Variants in EDA observed in about 807,000 individuals in gnomAD.
The protein encoded by EDA is ectodysplasin A.
Under a neutral mutation model 23.6 loss-of-function variants are expected in EDA, and 2 were observed. That is an observed-to-expected ratio of 0.08 (90% confidence interval 0.03 to 0.27). The LOEUF (loss-of-function observed/expected upper bound fraction) is 0.27. EDA is among the 10% of genes least tolerant of loss of function. The pLI is 1.00. For missense variants in EDA, 229 were observed against 324.2 expected (o/e 0.71, Z 2.26); for synonymous variants, 131 against 132.0 (o/e 0.99, Z 0.05).
At chrX:69,801,495 G>A (rs1269356065) in intron 1 of EDA, among the ~76,000 whole-genome samples, 3 of 110,853 alleles carry the variant, frequency 2.7e-5, no homozygotes, top group African/African-American at 9.8e-5. Context: ...GATAAACTGA[G>A]GATCACTCAT....
chrX:69,695,907 C>T (rs2011324358), intron 1 of EDA, among the ~76,000 whole-genome samples: 1 of 110,382 alleles, frequency 9.1e-6, no homozygotes, highest in East Asian at 2.9e-4. Context: ...AGTTACCTAC[C>T]AAAAAGGTAA....
chrX:69,867,765 G>C (rs1163121760), intron 1 of EDA, among the ~76,000 whole-genome samples: 1 of 112,010 alleles, frequency 8.9e-6, no homozygotes, highest in African/African-American at 3.2e-5. Flanking sequence ...GTGCAGGCTG[G>C]GGGAGAGAAG....
intron 1 of EDA, chrX:69,620,854 G>C (rs767505829): frequency 6.9e-5 from 26 of 376,389 alleles, no homozygotes; most frequent in South Asian, 1.2e-4. Flanking sequence ...GGACTTTGGA[G>C]GTGTTTATGT....
intron 1 of EDA, among the ~76,000 whole-genome samples, chrX:69,844,134 A>G (rs5936511): frequency 0.23 from 25,518 of 110,316 alleles, 2,322 homozygotes; most frequent in African/African-American, 0.31. Context: ...AAAGAAATGT[A>G]GACTACAGCG....
intron 1 of EDA, among the ~76,000 whole-genome samples, chrX:69,803,593 G>A (rs1184556496): frequency 2.7e-5 from 3 of 111,130 alleles, no homozygotes; most frequent in Non-Finnish European, 5.7e-5. Flanking sequence ...TGCTGTCGCC[G>A]TAATGTATGG....
intron 3 of EDA, 61 bp downstream of exon 3, chrX:70,023,302 A>C: frequency 1.2e-6 from 1 of 843,341 alleles, no homozygotes; most frequent in Non-Finnish European, 1.7e-6. Flanking sequence ...TTAGAAGAAA[A>C]AAATCAAGAG....
At chrX:69,656,411 G>C (rs1282431181) in intron 1 of EDA, among the ~76,000 whole-genome samples, 1 of 111,320 alleles carries the variant, frequency 9.0e-6, no homozygotes, top group Admixed American at 9.6e-5. Flanking sequence ...TGCCTCCTTG[G>C]TGCTTTTACC....
intron 6 of EDA, among the ~76,000 whole-genome samples, chrX:70,032,891 C>T (rs913152491): frequency 1.8e-5 from 2 of 112,306 alleles, no homozygotes; most frequent in African/African-American, 6.5e-5. Context: ...GGAGGCTTTC[C>T]AGAAAGCTGT....
At chrX:69,956,314 TTTC>T (rs1298509821) in intron 1 of EDA, among the ~76,000 whole-genome samples, 2 of 100,838 alleles carry the variant, frequency 2.0e-5, no homozygotes, top group Non-Finnish European at 4.0e-5. Flanking sequence ...TTTCTTTCTC[TTTC>T]TCTTTCTCTT....
At chrX:69,763,864 G>A (rs2014384519) in intron 1 of EDA, among the ~76,000 whole-genome samples, 2 of 111,857 alleles carry the variant, frequency 1.8e-5, no homozygotes, top group South Asian at 7.5e-4. Flanking sequence ...AAACCAATGA[G>A]TTTTGAGGCT....
At chrX:69,903,853 C>G (rs994350600) in intron 1 of EDA, among the ~76,000 whole-genome samples, 2 of 110,418 alleles carry the variant, frequency 1.8e-5, no homozygotes, top group African/African-American at 6.6e-5. Context: ...GACTGTTGCC[C>G]AGGCTGGAGT....
At chrX:69,855,796 G>A (rs1221354268) in intron 1 of EDA, among the ~76,000 whole-genome samples, 3 of 111,498 alleles carry the variant, frequency 2.7e-5, no homozygotes, top group East Asian at 2.8e-4. Flanking sequence ...TTGTATATTC[G>A]GGGTCTTTTC....
chrX:70,024,952 A>G (rs2020088458), intron 3 of EDA, among the ~76,000 whole-genome samples: 1 of 112,014 alleles, frequency 8.9e-6, no homozygotes, highest in Non-Finnish European at 1.9e-5. Context: ...TGTTAAAGTA[A>G]GGAAATCGAG....
At chrX:69,819,802 C>T (rs1602441172) in intron 1 of EDA, among the ~76,000 whole-genome samples, 1 of 109,905 alleles carries the variant, frequency 9.1e-6, no homozygotes, top group South Asian at 3.9e-4. Flanking sequence ...GCCTTGCTGC[C>T]CCAAAGTAAT....
chrX:69,867,213 A>G (rs1602496292), intron 1 of EDA, among the ~76,000 whole-genome samples: 1 of 111,950 alleles, frequency 8.9e-6, no homozygotes, highest in South Asian at 3.8e-4. Context: ...CCCTGCCACC[A>G]TGGCCACTTT....
At chrX:69,677,621 G>A (rs1362671156) in intron 1 of EDA, among the ~76,000 whole-genome samples, 3 of 112,761 alleles carry the variant, frequency 2.7e-5, no homozygotes, top group African/African-American at 9.7e-5. Context: ...CTGCATAAAT[G>A]TCTTCTTTTG....
intron 2 of EDA, among the ~76,000 whole-genome samples, chrX:69,965,384 G>A (rs778248251): frequency 3.3e-4 from 37 of 111,720 alleles, no homozygotes; most frequent in Non-Finnish European, 4.9e-4. Context: ...CCATTTTATG[G>A]AATTTAGAAA....
chrX:69,649,818 C>T (rs923961461), intron 1 of EDA, among the ~76,000 whole-genome samples: 6 of 111,273 alleles, frequency 5.4e-5, no homozygotes, highest in Non-Finnish European at 1.1e-4. Flanking sequence ...AACTCCTGAC[C>T]TCAGGTGATC....
chrX:69,848,829 C>T (rs1480072726), intron 1 of EDA, among the ~76,000 whole-genome samples: 2 of 110,945 alleles, frequency 1.8e-5, no homozygotes, highest in Admixed American at 9.7e-5. Context: ...ATGAGAACCC[C>T]TGAATCTAGC....
Sources: gnomAD v4.1 joint callset for allele counts (sites outside exome capture counted in the v4.1 genomes callset) on GRCh38, gnomAD v4.1.1 for gene constraint, MANE v1.5 for transcripts, NCBI Gene and HGNC (gene_info 2026-07-23, HGNC 2026-07-21) for gene names.